ATXN7L1: variants seen among roughly 807,000 people sequenced by gnomAD.
ATXN7L1 encodes ataxin 7 like 1.
A neutral mutation model predicts 70.8 loss-of-function variants in ATXN7L1; 15 were observed. That is an observed-to-expected ratio of 0.21 (90% CI 0.14 to 0.33). The LOEUF (loss-of-function observed/expected upper bound fraction) is 0.33. Ranked by LOEUF, ATXN7L1 falls within the 10% of genes least tolerant of loss-of-function variation. The probability of loss-of-function intolerance (pLI) is 1.00; values close to 1 mark genes in which losing one functional copy is unlikely to be tolerated. For synonymous variants in ATXN7L1, 440 were observed against 445.1 expected, an observed-to-expected ratio of 0.99 and a Z score of 0.14; for missense variants, 975 against 1,097.1, an observed-to-expected ratio of 0.89 and a Z score of 1.57.
chr7:105,665,370 C>T, intron 3 of ATXN7L1, 82 bp from the exon 4 acceptor site: 1 of 1,167,692 alleles, frequency 8.6e-7, no homozygotes, highest in Non-Finnish European at 1.2e-6. Flanking sequence ...CTCAAACACA[C>T]AACAGGCGGA....
chr7:105,760,674 T>G (rs2116411497), intron 3 of ATXN7L1: 2 of 585,570 alleles, frequency 3.4e-6, no homozygotes, highest in Middle Eastern at 8.6e-4. Context: ...AAATACTTGT[T>G]TTCAACATAT....
chr7:105,791,102 C>T (rs890628789), intron 2 of ATXN7L1, among the ~76,000 whole-genome samples: 1 of 152,222 alleles, frequency 6.6e-6, no homozygotes, highest in Non-Finnish European at 1.5e-5. Flanking sequence ...TTATCATAGG[C>T]AAGGGGTGAG....
At chr7:105,785,905 C>T (rs1804228514) in intron 3 of ATXN7L1, among the ~76,000 whole-genome samples, 1 of 152,200 alleles carries the variant, frequency 6.6e-6, no homozygotes, top group African/African-American at 2.4e-5. Flanking sequence ...GTGAGAAATA[C>T]ATTTCTGCTG....
chr7:105,832,019 C>G (rs915434059), intron 2 of ATXN7L1, among the ~76,000 whole-genome samples: 5 of 152,032 alleles, frequency 3.3e-5, no homozygotes, highest in African/African-American at 1.2e-4. Flanking sequence ...AATATAAGCC[C>G]CTAATGCTGA....
intron 4 of ATXN7L1, among the ~76,000 whole-genome samples, chr7:105,646,899 G>A (rs1022587993): frequency 2.0e-5 from 3 of 151,916 alleles, no homozygotes; most frequent in Non-Finnish European, 2.9e-5. Flanking sequence ...AGCTAGGATT[G>A]TGCCACTGTA....
chr7:105,794,941 A>G (rs755405427), intron 2 of ATXN7L1, among the ~76,000 whole-genome samples: 6 of 152,188 alleles, frequency 3.9e-5, no homozygotes, highest in Non-Finnish European at 8.8e-5. Flanking sequence ...GCAGCCCTCC[A>G]CTTCCCTTAC....
At chr7:105,744,896 C>T (rs1178773381) in intron 3 of ATXN7L1, among the ~76,000 whole-genome samples, 1 of 151,948 alleles carries the variant, frequency 6.6e-6, no homozygotes, top group Non-Finnish European at 1.5e-5. Flanking sequence ...CACCACCACG[C>T]CCAGCTAATT....
intron 2 of ATXN7L1, among the ~76,000 whole-genome samples, chr7:105,805,484 C>T (rs1346983691): frequency 6.6e-6 from 1 of 152,138 alleles, no homozygotes; most frequent in African/African-American, 2.4e-5. Context: ...CTCATTTATC[C>T]AACACTTATT....
At chr7:105,743,517 A>G (rs1798244919) in intron 3 of ATXN7L1, among the ~76,000 whole-genome samples, 1 of 152,190 alleles carries the variant, frequency 6.6e-6, no homozygotes, top group Admixed American at 6.5e-5. Flanking sequence ...ACCTCTGGAA[A>G]GTCAAGGAAG....
intron 2 of ATXN7L1, among the ~76,000 whole-genome samples, chr7:105,836,372 C>A (rs1812387586): frequency 6.6e-6 from 1 of 151,836 alleles, no homozygotes; most frequent in Admixed American, 6.6e-5. Context: ...CCAAAATGAC[C>A]CAAAGATCAG....
chr7:105,724,348 CG>C (rs1795547084), intron 3 of ATXN7L1, among the ~76,000 whole-genome samples: 1 of 151,992 alleles, frequency 6.6e-6, no homozygotes, highest in Non-Finnish European at 1.5e-5. Context: ...CCAAGGCAGG[CG>C]GATCACTTGA....
chr7:105,749,740 C>A (rs1798975521), intron 3 of ATXN7L1, among the ~76,000 whole-genome samples: 1 of 111,932 alleles, frequency 8.9e-6, no homozygotes, highest in African/African-American at 2.6e-5. Flanking sequence ...ATCTGGGCAG[C>A]ACCAGATCAC....
intron 4 of ATXN7L1, among the ~76,000 whole-genome samples, chr7:105,664,325 G>A (rs1404575255): frequency 6.6e-6 from 1 of 151,592 alleles, no homozygotes; most frequent in Non-Finnish European, 1.5e-5. Context: ...CAGCAGAACT[G>A]AGAAATATTT....
intron 2 of ATXN7L1, among the ~76,000 whole-genome samples, chr7:105,798,465 G>A (rs765617295): frequency 1.3e-5 from 2 of 152,194 alleles, no homozygotes; most frequent in Non-Finnish European, 2.9e-5. Context: ...AGCATGCAGG[G>A]GGCTAACTGA....
At chr7:105,851,738 C>T (rs900565232) in intron 2 of ATXN7L1, among the ~76,000 whole-genome samples, 3 of 151,922 alleles carry the variant, frequency 2.0e-5, no homozygotes, top group African/African-American at 7.3e-5. Context: ...GTTGAAAGGG[C>T]GAAGAAGTCC....
intron 3 of ATXN7L1, among the ~76,000 whole-genome samples, chr7:105,718,612 C>T (rs1444550735): frequency 6.6e-6 from 1 of 152,200 alleles, no homozygotes; most frequent in South Asian, 2.1e-4. Context: ...CAGTTTGCAT[C>T]TCTGCAGTTG....
intron 3 of ATXN7L1, 44 bp from the exon 4 acceptor site, chr7:105,665,332 AG>A: frequency 6.8e-7 from 1 of 1,472,992 alleles, no homozygotes; most frequent in Non-Finnish European, 9.3e-7. Flanking sequence ...CATCTGTAGC[AG>A]GTGAGGCTCC....
At chr7:105,663,222 C>T in intron 4 of ATXN7L1, among the ~76,000 whole-genome samples, 1 of 152,344 alleles carries the variant, frequency 6.6e-6, no homozygotes, top group East Asian at 1.9e-4. Context: ...TGAGTCTTCC[C>T]TAACCAGCTA....
chr7:105,815,776 G>A (rs770520390), intron 2 of ATXN7L1, among the ~76,000 whole-genome samples: 8 of 152,192 alleles, frequency 5.3e-5, no homozygotes, highest in South Asian at 2.1e-4. Context: ...CATGATGCTC[G>A]GCAGCTTGCC....
Sources: allele counts gnomAD v4.1 joint callset (sites outside exome capture counted in the v4.1 genomes callset), GRCh38; gene constraint gnomAD v4.1.1; transcripts MANE v1.5; gene names NCBI Gene and HGNC (gene_info 2026-07-23, HGNC 2026-07-21).